Variants in DIP2C observed in about 807,000 individuals in gnomAD.
DIP2C encodes disco-interacting protein 2 homolog C.
DIP2C carries 33 observed loss-of-function variants against 192.4 expected under a neutral mutation model. The ratio of observed to expected loss-of-function variants is 0.17; its 90% CI spans 0.13 to 0.23. The LOEUF is 0.23. DIP2C is among the 10% of genes least tolerant of loss of function. The pLI is 1.00. For missense variants in DIP2C, 1,537 were observed against 2,110.1 expected, an observed-to-expected ratio of 0.73 and a Z score of 5.32; for synonymous variants, 979 against 864.1, an observed-to-expected ratio of 1.13 and a Z score of -2.33.
intron 1 of DIP2C, among the ~76,000 whole-genome samples, chr10:506,431 G>A (rs1484896666): frequency 1.3e-5 from 2 of 152,158 alleles, no homozygotes; most frequent in South Asian, 2.1e-4. Context: ...GTGTAGCCCT[G>A]GGGTCTGAGG....
intron 29 of DIP2C, among the ~76,000 whole-genome samples, chr10:335,371 A>G (rs1957710852): frequency 6.6e-6 from 1 of 152,230 alleles, no homozygotes; most frequent in Admixed American, 6.5e-5. Flanking sequence ...ATTTTCCTCC[A>G]TAAACACCTA....
chr10:342,163 C>CTT (rs943038790), intron 28 of DIP2C, among the ~76,000 whole-genome samples: 8 of 149,026 alleles, frequency 5.4e-5, no homozygotes, highest in African/African-American at 2.0e-4. Flanking sequence ...CACTCTCTCT[C>CTT]TTTTTTTTTT....
chr10:442,175 G>C (rs564289273), intron 3 of DIP2C, among the ~76,000 whole-genome samples: 13 of 152,250 alleles, frequency 8.5e-5, no homozygotes, highest in Middle Eastern at 3.4e-3. Flanking sequence ...TTGGGGGAAA[G>C]GGTCCCCAGG....
At chr10:637,316 AAAC>A (rs909613795) in intron 1 of DIP2C, among the ~76,000 whole-genome samples, 25 of 150,910 alleles carry the variant, frequency 1.7e-4, no homozygotes, top group Non-Finnish European at 3.1e-4. Flanking sequence ...GGGGACTGAC[AAAC>A]AACAGAAAAT....
intron 9 of DIP2C, among the ~76,000 whole-genome samples, chr10:407,776 T>C (rs1038496961): frequency 1.3e-5 from 2 of 152,216 alleles, no homozygotes; most frequent in African/African-American, 2.4e-5. Context: ...TTTGTTGTTG[T>C]TGCTTTTTTT....
chr10:658,151 C>T (rs917110833), intron 1 of DIP2C, among the ~76,000 whole-genome samples: 254 of 139,798 alleles, frequency 1.8e-3, no homozygotes, highest in African/African-American at 6.3e-3. Context: ...CTGGACCTGA[C>T]GCTGGACCTG....
intron 1 of DIP2C, among the ~76,000 whole-genome samples, chr10:642,974 T>C (rs7071528): frequency 0.99 from 151,075 of 152,270 alleles, 74,951 homozygotes; most frequent in Middle Eastern, 1. Flanking sequence ...GAGGCCAAGG[T>C]GGGCAGATCA....
chr10:464,483 A>C (rs1970050356), intron 3 of DIP2C, among the ~76,000 whole-genome samples: 1 of 152,244 alleles, frequency 6.6e-6, no homozygotes, highest in Non-Finnish European at 1.5e-5. Flanking sequence ...ATCATTAAAA[A>C]GTCAGGCAAC....
chr10:424,099 G>C (rs567719719), intron 4 of DIP2C, among the ~76,000 whole-genome samples: 1 of 152,172 alleles, frequency 6.6e-6, no homozygotes, highest in African/African-American at 2.4e-5. Context: ...ATTTAAGAAT[G>C]ACACTCAGAA....
chr10:477,779 G>A (rs1350090610), intron 2 of DIP2C, among the ~76,000 whole-genome samples: 4 of 136,842 alleles, frequency 2.9e-5, no homozygotes, highest in Admixed American at 7.5e-5. Context: ...AGGAAAAGAA[G>A]GAGAGAGAAA....
At chr10:448,751 C>CA (rs1350833153) in intron 3 of DIP2C, among the ~76,000 whole-genome samples, 1 of 144,522 alleles carries the variant, frequency 6.9e-6, no homozygotes, top group South Asian at 2.3e-4. Flanking sequence ...CACAGTGGGG[C>CA]AGCAGGACCC....
intron 1 of DIP2C, among the ~76,000 whole-genome samples, chr10:529,031 C>A (rs1427821265): frequency 6.6e-6 from 1 of 152,228 alleles, no homozygotes; most frequent in Non-Finnish European, 1.5e-5. Flanking sequence ...TCCCAGTGAC[C>A]TGTGAGGACG....
Position 275,832 on chromosome 10 carries a change from C to G in DIP2C, c.*1493G>C, listed in dbSNP as rs914833905. Reference sequence around the variant, plus strand: ...AAACTGGGGCGCACTCGTCCACAGGCGGCAAACGACGCAGCTGGAGGACTT... The same window carrying G: ...AAACTGGGGCGCACTCGTCCACAGGGGGCAAACGACGCAGCTGGAGGACTT... On this transcript the variant is annotated 3_prime_UTR_variant, in exon 37 of 37. Coordinates refer to ENST00000280886, the MANE Select transcript of DIP2C (RefSeq NM_014974.3). 2.0e-5 allele frequency: 3 copies of G among 152,240 alleles called. No individual in the cohort carries two copies. Among genetic ancestry groups the G allele is most frequent in the African/African-American group, 7.2e-5 (3 of 41,462 alleles). 9.4% of individuals were successfully genotyped at this position (152,240 alleles called of 1,614,324 possible).
chr10:573,392 C>CA (rs1849941939), intron 1 of DIP2C, among the ~76,000 whole-genome samples: 1 of 152,218 alleles, frequency 6.6e-6, no homozygotes. Flanking sequence ...CGCAGCCGGG[C>CA]AGTTCACCCA....
intron 3 of DIP2C, among the ~76,000 whole-genome samples, chr10:451,553 T>C (rs1287001654): frequency 6.6e-6 from 1 of 152,238 alleles, no homozygotes; most frequent in East Asian, 1.9e-4. Flanking sequence ...TGACTATAAT[T>C]TAATCAATGT....
chr10:451,975 A>C (rs1968886935), intron 3 of DIP2C, among the ~76,000 whole-genome samples: 2 of 152,096 alleles, frequency 1.3e-5, no homozygotes, highest in Non-Finnish European at 2.9e-5. Context: ...CCACAAGGAG[A>C]CCAGCACACC....
intron 1 of DIP2C, among the ~76,000 whole-genome samples, chr10:601,515 T>TA (rs1216532668): frequency 6.6e-6 from 1 of 152,194 alleles, no homozygotes; most frequent in Non-Finnish European, 1.5e-5. Flanking sequence ...GCTGGGAAAC[T>TA]AAAAATGCAT....
chr10:439,397 G>A (rs754611463), intron 4 of DIP2C, among the ~76,000 whole-genome samples: 3 of 120,792 alleles, frequency 2.5e-5, no homozygotes, highest in African/African-American at 1.8e-4. Flanking sequence ...TTCTTTAGAC[G>A]AAGATCACGC....
intron 1 of DIP2C, among the ~76,000 whole-genome samples, chr10:541,827 T>C (rs1286204036): frequency 6.6e-6 from 1 of 151,996 alleles, no homozygotes; most frequent in African/African-American, 2.4e-5. Flanking sequence ...AGCATGACCC[T>C]CCACCTGACT....
Sources: allele counts gnomAD v4.1 joint callset (sites outside exome capture counted in the v4.1 genomes callset), GRCh38; gene constraint gnomAD v4.1.1; transcripts MANE v1.5; gene names NCBI Gene and HGNC (gene_info 2026-07-23, HGNC 2026-07-21).